Variants in C3orf49 observed in about 807,000 individuals in gnomAD.
C3orf49 encodes the protein chromosome 3 open reading frame 49.
In C3orf49, 27 loss-of-function variants were observed where a neutral mutation model predicts 13.3. The ratio of observed to expected loss-of-function variants is 2.02; its 90% CI spans 1.49 to 2.79. C3orf49 has a LOEUF of 2.79. Among genes scored for constraint, C3orf49 ranks in the 30% most tolerant of loss-of-function variants. The pLI, the probability that C3orf49 is intolerant of heterozygous loss-of-function variation, is 0.00. For synonymous variants in C3orf49, 87 were observed against 47.6 expected (o/e 1.83, Z -3.40); for missense variants, 242 against 134.2 (o/e 1.80, Z -3.97).
intron 5 of C3orf49, chr3:63,834,202 G>T (rs1232400432): frequency 4.3e-6 from 7 of 1,613,664 alleles, no homozygotes; most frequent in Admixed American, 1.7e-5. Context: ...TTCATCATCT[G>T]TAATTGAGAA....
At chr3:63,812,958 T>C in the C3orf49 span, among the ~76,000 whole-genome samples, 1 of 152,250 alleles carries the variant, frequency 6.6e-6, no homozygotes, top group Non-Finnish European at 1.5e-5. Context: ...TATTTCAGGA[T>C]TTTCTATGCC....
At position 63,831,741 on chromosome 3, in the gene C3orf49, C is replaced by A. The variant is rs1559600403; in HGVS notation, c.746C>A (p.Ala249Asp). 2.8e-6 allele frequency: 2 copies of A among 703,098 alleles called. No homozygotes were observed. The highest frequency in any genetic ancestry group is 5.2e-6 in the Non-Finnish European group (2 of 385,014). The allele number at this position is 703,098 out of a possible 1,614,324, so 43.6% of individuals were successfully genotyped here. A position where few individuals can be genotyped will look rare whatever the true frequency, so the allele number is the denominator to read the frequency against. The change falls in exon 5 of 7, where the codon GCT (alanine) becomes GAT (aspartate). Residue 249 changes from alanine (A) to aspartate (D), a missense_variant. Physicochemically the swap from Ala to Asp is moderately radical, Grantham distance 126. Coordinates refer to ENST00000295896, the MANE Select transcript of C3orf49 (RefSeq NM_001355236.2). ...ATGAAGCTACTGGCCCAAAGACATGCTGAGCTTCAACAGTGTGAGTTTCTG... is the reference window on the plus strand; with the variant it reads ...ATGAAGCTACTGGCCCAAAGACATGATGAGCTTCAACAGTGTGAGTTTCTG... ...KSMKLLAQRHAELQQCEFLGD... is the reference protein window; with the variant it reads ...KSMKLLAQRHDELQQCEFLGD...
intron 5 of C3orf49, among the ~76,000 whole-genome samples, chr3:63,842,835 G>A (rs764126019): frequency 1.5e-4 from 23 of 152,280 alleles, no homozygotes; most frequent in Non-Finnish European, 2.8e-4. Flanking sequence ...TGGCTGGAAT[G>A]CAGTGGCATG....
At chr3:63,835,486 A>G in intron 5 of C3orf49, 1 of 1,123,038 alleles carries the variant, frequency 8.9e-7, no homozygotes, top group Non-Finnish European at 1.3e-6. Flanking sequence ...GATTTTTAAA[A>G]TAAAAAAAGG....
At position 63,834,135 on chromosome 3, in the gene C3orf49, T is replaced by C. The variant is rs775443539; in HGVS notation, c.849+2291T>C. 12 of 1,614,018 alleles carry C rather than the reference T, an allele frequency of 7.4e-6. No individual in the cohort carries two copies. In the African/African-American group the frequency reaches 1.3e-4, roughly 18 times the overall value. On this transcript the variant is annotated intron_variant, in intron 5 of 6. Coordinates refer to ENST00000295896, the MANE Select transcript of C3orf49 (RefSeq NM_001355236.2). ...GAGTGGTGGGCAATTAGCCTGTCTATGGCTTAGGATCTGTTTCCATGCTTG... is the reference window on the plus strand; with the variant it reads ...GAGTGGTGGGCAATTAGCCTGTCTACGGCTTAGGATCTGTTTCCATGCTTG...
chr3:63,795,802 C>T, the C3orf49 span, among the ~76,000 whole-genome samples: 1 of 152,094 alleles, frequency 6.6e-6, no homozygotes, highest in African/African-American at 2.4e-5. Flanking sequence ...GATTTTCCTC[C>T]TCAACTTCAT....
chr3:63,841,940 T>G (rs1701769341), intron 5 of C3orf49, among the ~76,000 whole-genome samples: 1 of 152,228 alleles, frequency 6.6e-6, no homozygotes, highest in South Asian at 2.1e-4. Flanking sequence ...CCATTTTTTT[T>G]GCTACATGCC....
At chr3:63,780,146 C>G in the C3orf49 span, among the ~76,000 whole-genome samples, 1 of 152,112 alleles carries the variant, frequency 6.6e-6, no homozygotes, top group Non-Finnish European at 1.5e-5. Context: ...CACCCTCCAC[C>G]CACCCCAAAA....
chr3:63,797,260 G>A, the C3orf49 span, among the ~76,000 whole-genome samples: 1 of 151,982 alleles, frequency 6.6e-6, no homozygotes, highest in Non-Finnish European at 1.5e-5. Context: ...AATATGGTAT[G>A]TCTAGGGGTA....
chr3:63,797,668 C>T, the C3orf49 span, among the ~76,000 whole-genome samples: 1,831 of 152,232 alleles, frequency 0.012, 36 homozygotes, highest in African/African-American at 0.04. Context: ...AGCAGTCTTC[C>T]GTTTACCTGT....
At chr3:63,815,538 C>G (rs1460378918), upstream of C3orf49, among the ~76,000 whole-genome samples, 1 of 152,194 alleles carries the variant, frequency 6.6e-6, no homozygotes, top group Admixed American at 6.5e-5. Flanking sequence ...TGCCCTCAGA[C>G]ATGCCTGGTT....
chr3:63,800,580 T>C, the C3orf49 span, among the ~76,000 whole-genome samples: 1 of 152,144 alleles, frequency 6.6e-6, no homozygotes, highest in African/African-American at 2.4e-5. Context: ...ATGTTTTGAG[T>C]GCTTATTAAT....
chr3:63,841,063 A>C (rs1369556368), intron 5 of C3orf49, among the ~76,000 whole-genome samples: 2 of 152,228 alleles, frequency 1.3e-5, no homozygotes, highest in African/African-American at 4.8e-5. Context: ...TGAAACATTC[A>C]CATAATGTAA....
chr3:63,789,810 CAAAAAAAA>C, the C3orf49 span, among the ~76,000 whole-genome samples: 2 of 49,660 alleles, frequency 4.0e-5, no homozygotes, highest in South Asian at 9.7e-4. Flanking sequence ...GACTCTGTCT[CAAAAAAAA>C]AAAAAAAAAA....
the C3orf49 span, chr3:63,783,146 C>T: frequency 6.6e-6 from 1 of 152,202 alleles, no homozygotes; most frequent in Admixed American, 6.5e-5. Context: ...GTAAGTCTCC[C>T]ATCCCAGAAA....
chr3:63,791,960 C>A, the C3orf49 span, among the ~76,000 whole-genome samples: 15 of 152,172 alleles, frequency 9.9e-5, no homozygotes, highest in African/African-American at 3.6e-4. Context: ...TTCTTGATTT[C>A]TTTTCGTATA....
intron 5 of C3orf49, among the ~76,000 whole-genome samples, chr3:63,841,347 C>T (rs940939760): frequency 3.9e-5 from 6 of 152,150 alleles, no homozygotes; most frequent in African/African-American, 1.4e-4. Context: ...AATTTTCCTG[C>T]ATGTCTTTGT....
the C3orf49 span, among the ~76,000 whole-genome samples, chr3:63,801,472 A>G: frequency 6.6e-6 from 1 of 152,230 alleles, no homozygotes; most frequent in Non-Finnish European, 1.5e-5. Flanking sequence ...CACATCATTA[A>G]TTAAATAATC....
intron 5 of C3orf49, chr3:63,838,296 G>A: frequency 9.1e-7 from 1 of 1,103,514 alleles, no homozygotes; most frequent in Non-Finnish European, 1.3e-6. Flanking sequence ...TACCACCAAA[G>A]AAAATTGTTA....
Sources: allele counts gnomAD v4.1 joint callset (sites outside exome capture counted in the v4.1 genomes callset), GRCh38; gene constraint gnomAD v4.1.1; transcripts MANE v1.5; gene names NCBI Gene and HGNC (gene_info 2026-07-23, HGNC 2026-07-21).